Variants in KLHL15 observed in about 807,000 individuals in gnomAD.
The protein encoded by KLHL15 is kelch like family member 15.
In KLHL15, 1 loss-of-function variant was observed where a neutral mutation model predicts 29.3. The ratio of observed to expected loss-of-function variants is 0.03; its 90% CI spans 0.01 to 0.16. The LOEUF (loss-of-function observed/expected upper bound fraction) is 0.16, where lower values mean the gene tolerates loss of function less well. Ranked by LOEUF, KLHL15 falls within the 10% of genes least tolerant of loss-of-function variation. The pLI is 1.00. For synonymous variants in KLHL15, 212 were observed against 184.5 expected (o/e 1.15, Z -1.21); for missense variants, 215 against 478.5 (o/e 0.45, Z 5.14).
At chrX:24,003,612 G>T (rs186821451) in intron 3 of KLHL15, among the ~76,000 whole-genome samples, 1 of 105,796 alleles carries the variant, frequency 9.5e-6, no homozygotes, top group Non-Finnish European at 1.9e-5. Flanking sequence ...TATATGTACG[G>T]TAAGAGCACT....
intron 2 of KLHL15, among the ~76,000 whole-genome samples, chrX:24,015,019 C>A (rs913400133): frequency 8.9e-6 from 1 of 111,958 alleles, no homozygotes; most frequent in Non-Finnish European, 1.9e-5. Flanking sequence ...TGCTCCTGAA[C>A]GCCTCGTTCT....
chrX:23,989,114 T>G, intron 3 of KLHL15, 84 bp from the exon 4 acceptor site: 1 of 779,676 alleles, frequency 1.3e-6, no homozygotes, highest in Non-Finnish European at 1.8e-6. Context: ...TACGATCATC[T>G]TAGGCTCACT....
In KLHL15 at chrX:24,006,253, G is replaced by C; in HGVS notation, c.441C>G (p.Ile147Met). Residue 147 changes from isoleucine (I) to methionine (M), a missense_variant, in exon 3 of 4, where the codon ATC becomes ATG. Coordinates refer to ENST00000328046, the MANE Select transcript of KLHL15 (RefSeq NM_030624.3). The part of the protein sequence containing the change: ...MRLLDDFGVN[I>M]EGVREKLDTF... ...TGTCTAACTTCTCCCTGACTCCCTCGATGTTTACGCCGAAATCATCTAAGA... is the reference window on the plus strand; with the variant it reads ...TGTCTAACTTCTCCCTGACTCCCTCCATGTTTACGCCGAAATCATCTAAGA... 1 of 1,211,379 alleles carries C rather than the reference G, an allele frequency of 8.3e-7. No individual in the cohort carries two copies. Among genetic ancestry groups the C allele is most frequent in the Non-Finnish European group, 1.1e-6 (1 of 895,340 alleles).
In KLHL15 at chrX:23,987,325, G is replaced by A. The variant is rs1253371996; in HGVS notation, c.*596C>T. The A allele has an allele frequency of 1.8e-5, 2 of 112,388 alleles. No individual in the cohort carries two copies. Among genetic ancestry groups the A allele is most frequent in the East Asian group, 2.8e-4 (1 of 3,619 alleles). The allele number at this position is 112,388 out of a possible 1,213,427, so 9.3% of individuals were successfully genotyped here. A position where few individuals can be genotyped will look rare whatever the true frequency, so the allele number is the denominator to read the frequency against. ...AGGGATGTGCCTTGTGTATTTATAG[G>A]TTGTATGCGAGTATGAATATGCTTT... is the stretch of plus-strand genomic sequence containing the variant. On this transcript the variant is annotated 3_prime_UTR_variant, in exon 4 of 4. Transcript: ENST00000328046.
intron 3 of KLHL15, among the ~76,000 whole-genome samples, chrX:23,996,291 T>G (rs1166996851): frequency 9.0e-6 from 1 of 111,693 alleles, no homozygotes; most frequent in African/African-American, 3.3e-5. Context: ...GACTGAGTCT[T>G]GGTTGTCAGT....
Position 24,009,055 on chromosome X carries a change from T to C in KLHL15, c.-7-2355A>G, listed in dbSNP as rs777086646. On this transcript the variant is annotated intron_variant, in intron 2 of 3. Coordinates refer to ENST00000328046, the MANE Select transcript of KLHL15 (RefSeq NM_030624.3). The stretch of plus-strand genomic sequence containing the variant: ...CTTCTGATCAATCACTCTCAAACAT[T>C]TGATGAAGACTTCAACACCTGGGCC... Among the ~76,000 whole-genome samples, 18 of 111,174 alleles carry C rather than the reference T, an allele frequency of 1.6e-4. No individual in the cohort carries two copies. In the East Asian group the frequency reaches 2.5e-3, roughly 16 times the overall value.
chrX:24,026,449 C>A (rs1041097965), intron 1 of KLHL15, among the ~76,000 whole-genome samples: 2 of 111,675 alleles, frequency 1.8e-5, no homozygotes, highest in African/African-American at 6.5e-5. Context: ...GCATCTCTTT[C>A]TGGGAAAAGT....
At chrX:24,004,789 C>CAA (rs11288965) in intron 3 of KLHL15, among the ~76,000 whole-genome samples, 1,615 of 65,163 alleles carry the variant, frequency 0.025, 42 homozygotes, top group African/African-American at 0.072. Flanking sequence ...GACTCTGTCT[C>CAA]AAAAAAAAAA....
rs149505252 is a variant in KLHL15 at position 24,001,000 on chromosome X, C to T, written c.705+4989G>A. Among the ~76,000 whole-genome samples, 778 of 112,156 alleles carry T rather than the reference C, an allele frequency of 6.9e-3. 15 individuals carry two copies. Among genetic ancestry groups the T allele is most frequent in the East Asian group, 0.05 (178 of 3,582 alleles). ...CACCCGGCCCAAAGTTGTGAATATT[C>T]TTATAATAAATTCTCTGTAAGTTAC... On this transcript the variant is annotated intron_variant, in intron 3 of 3. Coordinates refer to ENST00000328046, the MANE Select transcript of KLHL15 (RefSeq NM_030624.3).
chrX:24,005,598 T>A (rs1161811021), intron 3 of KLHL15, among the ~76,000 whole-genome samples: 1 of 112,014 alleles, frequency 8.9e-6, no homozygotes, highest in Non-Finnish European at 1.9e-5. Context: ...AATTTCTGCA[T>A]GTATTACTTA....
intron 2 of KLHL15, among the ~76,000 whole-genome samples, chrX:24,009,727 C>T (rs1270504093): frequency 9.9e-6 from 1 of 100,866 alleles, no homozygotes; most frequent in East Asian, 3.2e-4. Flanking sequence ...CAGTGGCTCA[C>T]GCCCGTAATT....
intron 2 of KLHL15, among the ~76,000 whole-genome samples, chrX:24,019,206 G>C (rs1391637039): frequency 8.9e-6 from 1 of 111,735 alleles, no homozygotes; most frequent in Non-Finnish European, 1.9e-5. Flanking sequence ...AACTGTTTTA[G>C]AAAAGTTATT....
Position 23,986,284 on chromosome X carries a change from A to AAAAC in KLHL15, c.*1633_*1636dup, listed in dbSNP as rs199680569. On this transcript the variant is annotated 3_prime_UTR_variant, in exon 4 of 4. Coordinates refer to ENST00000328046, the MANE Select transcript of KLHL15 (RefSeq NM_030624.3). ...TATGTTCAATGGTGGCAGCAGCAAAAAAACAAACAAACAAACAAAAAAACA... is the reference window on the plus strand; with the variant it reads ...TATGTTCAATGGTGGCAGCAGCAAAAAAACAAACAAACAAACAAACAAAAAAACA... The AAAAC allele has an allele frequency of 0.1, 11,065 of 110,659 alleles. 632 individuals carry two copies. The highest frequency in any genetic ancestry group is 0.21 in the African/African-American group (6,342 of 30,194). 9.1% of individuals were successfully genotyped at this position (110,659 alleles called of 1,213,427 possible).
chrX:23,992,929 G>A (rs1929114000), intron 3 of KLHL15, among the ~76,000 whole-genome samples: 2 of 111,974 alleles, frequency 1.8e-5, no homozygotes, highest in South Asian at 3.7e-4. Flanking sequence ...AGTAAGAGAT[G>A]TGGAATAAAT....
intron 3 of KLHL15, among the ~76,000 whole-genome samples, chrX:23,996,455 G>A (rs956538502): frequency 3.6e-5 from 4 of 111,678 alleles, no homozygotes; most frequent in Admixed American, 1.9e-4. Flanking sequence ...ATGAGGTCAG[G>A]AGTTCGAGAC....
At chrX:24,020,744 G>C (rs1305842185) in intron 2 of KLHL15, among the ~76,000 whole-genome samples, 1 of 111,811 alleles carries the variant, frequency 8.9e-6, no homozygotes, top group Admixed American at 9.6e-5. Flanking sequence ...GATCCAGTGA[G>C]AATTCTAGGA....
chrX:24,023,344 T>C (rs1054626245), intron 2 of KLHL15, among the ~76,000 whole-genome samples: 2 of 112,090 alleles, frequency 1.8e-5, no homozygotes, highest in Non-Finnish European at 3.8e-5. Context: ...CCAGCCACTT[T>C]GAAGTAGGCT....
At chrX:23,993,331 T>C (rs896709644) in intron 3 of KLHL15, among the ~76,000 whole-genome samples, 2 of 111,320 alleles carry the variant, frequency 1.8e-5, no homozygotes, top group Non-Finnish European at 3.8e-5. Flanking sequence ...AGGTAGATCC[T>C]GTATTGTTGA....
At chrX:23,992,300 C>T (rs1408037188) in intron 3 of KLHL15, among the ~76,000 whole-genome samples, 2 of 112,108 alleles carry the variant, frequency 1.8e-5, no homozygotes, top group South Asian at 3.7e-4. Context: ...TGGTGCCTGT[C>T]GTGTGGCAGT....
Sources: gnomAD v4.1 joint callset for allele counts (sites outside exome capture counted in the v4.1 genomes callset) on GRCh38, gnomAD v4.1.1 for gene constraint, MANE v1.5 for transcripts, NCBI Gene and HGNC (gene_info 2026-07-23, HGNC 2026-07-21) for gene names.